Variants in THSD4 observed in about 807,000 individuals in gnomAD.
The protein encoded by THSD4 is thrombospondin type 1 domain containing 4.
A neutral mutation model predicts 119.0 loss-of-function variants in THSD4; 69 were observed. The observed-to-expected ratio is 0.58, with a 90% CI of 0.48 to 0.71. The LOEUF is 0.71. Ranked by LOEUF, THSD4 falls within the 30% of genes least tolerant of loss-of-function variation. The probability of loss-of-function intolerance (pLI) is 0.00; values close to 1 mark genes in which losing one functional copy is unlikely to be tolerated. For synonymous variants in THSD4, 524 were observed against 540.4 expected (o/e 0.97, Z 0.42); for missense variants, 1,393 against 1,391.1 (o/e 1.00, Z -0.02).
intron 3 of THSD4, chr15:71,183,241 G>C (rs2043553938): frequency 6.6e-6 from 1 of 151,734 alleles, no homozygotes; most frequent in African/African-American, 2.4e-5. Context: ...GATCTTGTGA[G>C]ACTTAATTCA....
At chr15:71,660,406 C>A in intron 7 of THSD4, 124 bp from the exon 8 acceptor site, 1 of 1,188,882 alleles carries the variant, frequency 8.4e-7, no homozygotes, top group Non-Finnish European at 1.2e-6. Context: ...TCCCACCCCA[C>A]TCCTAGAATA....
chr15:71,751,414 A>G (rs867098692), intron 14 of THSD4, among the ~76,000 whole-genome samples: 4 of 152,168 alleles, frequency 2.6e-5, no homozygotes, highest in Non-Finnish European at 5.9e-5. Flanking sequence ...TTTGAGATTA[A>G]GCTATACTTC....
intron 3 of THSD4, among the ~76,000 whole-genome samples, chr15:71,209,979 A>G (rs1481948377): frequency 6.6e-6 from 1 of 152,224 alleles, no homozygotes; most frequent in Admixed American, 6.5e-5. Context: ...GGAACTGTGA[A>G]TCCAGTAAAA....
intron 6 of THSD4, among the ~76,000 whole-genome samples, chr15:71,389,840 C>T (rs530434434): frequency 4.2e-4 from 18 of 42,996 alleles, no homozygotes; most frequent in South Asian, 1.1e-3. Context: ...CACAGAGTCT[C>T]GCTCTGTCAC....
intron 3 of THSD4, among the ~76,000 whole-genome samples, chr15:71,203,614 C>T (rs993381566): frequency 1.3e-5 from 2 of 152,178 alleles, no homozygotes; most frequent in Non-Finnish European, 1.5e-5. Flanking sequence ...TGCAGTGAGC[C>T]GAGATTGTGC....
In THSD4 at chr15:71,101,462, T is replaced by C. The variant is rs2040253213; in HGVS notation, c.-80+4456T>C. Among the ~76,000 whole-genome samples, 4 of 152,188 alleles carry C rather than the reference T, an allele frequency of 2.6e-5. No individual in the cohort carries two copies. The South Asian group carries it at 8.3e-4, about 32-fold the overall frequency. On this transcript the variant is annotated intron_variant, in intron 1 of 17. Transcript: ENST00000355327. ...GTTACAATTTGTGCTTTCACATATT[T>C]CAAAGAACTTAAAATCTATTATATT...
chr15:71,367,680 T>A (rs1009294582), intron 6 of THSD4, among the ~76,000 whole-genome samples: 1 of 152,224 alleles, frequency 6.6e-6, no homozygotes, highest in Non-Finnish European at 1.5e-5. Context: ...ATCCAGTCTA[T>A]CATTGATGGA....
At chr15:71,195,253 G>T (rs958246817) in intron 3 of THSD4, among the ~76,000 whole-genome samples, 1 of 152,184 alleles carries the variant, frequency 6.6e-6, no homozygotes, top group African/African-American at 2.4e-5. Context: ...AAAAGAGGAT[G>T]AAGTCAAAAT....
chr15:71,608,249 T>TATATATAC lies in THSD4; in HGVS notation c.1153-52280_1153-52279insTATATACA, dbSNP rs772729777. Among the ~76,000 whole-genome samples the TATATATAC allele has an allele frequency of 1.7e-3, 181 of 106,238 alleles. 2 individuals are homozygous for TATATATAC. The East Asian group carries it at 0.022, about 13-fold the overall frequency. The allele number at this position is 106,238 out of a possible 152,430, so 69.7% of individuals were successfully genotyped here. A position where few individuals can be genotyped will look rare whatever the true frequency, so the allele number is the denominator to read the frequency against. ...AAAAAAAAAAAAAAATATATATATA[T>TATATATAC]ACACACACACACACACACACACACA... On this transcript the variant is annotated intron_variant, in intron 7 of 17. Coordinates refer to ENST00000261862, the MANE Select transcript of THSD4 (RefSeq NM_024817.3).
At chr15:71,097,666 A>G (rs1205749026) in intron 1 of THSD4, among the ~76,000 whole-genome samples, 1 of 150,578 alleles carries the variant, frequency 6.6e-6, no homozygotes, top group African/African-American at 2.4e-5. Flanking sequence ...TATACGTTAT[A>G]TCTTATAATT....
chr15:71,505,117 G>A (rs1567012275), intron 7 of THSD4, among the ~76,000 whole-genome samples: 1 of 152,094 alleles, frequency 6.6e-6, no homozygotes, highest in Non-Finnish European at 1.5e-5. Context: ...GACAGTATTG[G>A]GATATTCATC....
intron 3 of THSD4, among the ~76,000 whole-genome samples, chr15:71,169,265 AAT>A (rs1033847868): frequency 1.6e-4 from 25 of 152,346 alleles, no homozygotes; most frequent in Admixed American, 1.4e-3. Flanking sequence ...GAATGGCTAA[AAT>A]AAAAAACACT....
chr15:71,709,044 A>G (rs569318821), intron 8 of THSD4, among the ~76,000 whole-genome samples: 37 of 152,324 alleles, frequency 2.4e-4, no homozygotes, highest in Non-Finnish European at 1.6e-4. Context: ...CGTGGTGTAC[A>G]GATCACAAAA....
intron 6 of THSD4, among the ~76,000 whole-genome samples, chr15:71,359,752 G>A (rs1470036329): frequency 6.6e-6 from 1 of 152,190 alleles, no homozygotes; most frequent in Non-Finnish European, 1.5e-5. Flanking sequence ...AGAGGTTGCA[G>A]TGAGCCAAGA....
chr15:71,667,674 C>T (rs892278476), intron 8 of THSD4, among the ~76,000 whole-genome samples: 5 of 152,138 alleles, frequency 3.3e-5, no homozygotes, highest in African/African-American at 9.7e-5. Context: ...GCTTTCTTTA[C>T]AGGAAACATT....
intron 7 of THSD4, among the ~76,000 whole-genome samples, chr15:71,470,093 T>TA (rs2047553564): frequency 6.6e-6 from 1 of 152,184 alleles, no homozygotes; most frequent in Admixed American, 6.5e-5. Flanking sequence ...AGGCAATAAG[T>TA]ATAAGAGGTT....
Position 71,459,160 on chromosome 15 carries a change from C to CTTTTTTTTTTTTTTTTTTT in THSD4, c.1152+47355_1152+47356insTTTTTTTTTTTTTTTTTTT, listed in dbSNP as rs372209662. Among the ~76,000 whole-genome samples, 16 of 128,882 alleles carry CTTTTTTTTTTTTTTTTTTT rather than the reference C, an allele frequency of 1.2e-4. 1 individual carries two copies. In the South Asian group the frequency reaches 1.9e-3, roughly 15 times the overall value. The allele number at this position is 128,882 out of a possible 152,430, so 84.6% of individuals were successfully genotyped here. A position where few individuals can be genotyped will look rare whatever the true frequency, so the allele number is the denominator to read the frequency against. On this transcript the variant is annotated intron_variant, in intron 7 of 17. Transcript: ENST00000261862. ...CTTTTCTTTTTCATTTTCTTTTTTT[C>CTTTTTTTTTTTTTTTTTTT]TTTTTTTTTTTTTTTTTTGACAGAG... is the stretch of plus-strand genomic sequence containing the variant.
intron 7 of THSD4, among the ~76,000 whole-genome samples, chr15:71,492,133 A>G (rs867526395): frequency 2.7e-5 from 4 of 150,546 alleles, no homozygotes; most frequent in African/African-American, 7.3e-5. Flanking sequence ...TATATTATGG[A>G]TGTTTTACAC....
In THSD4 at chr15:71,442,579, A is replaced by AAAAAAAAAT. The variant is rs1195413080; in HGVS notation, c.1152+30757_1152+30758insAAAAAAATA. On this transcript the variant is annotated intron_variant, in intron 7 of 17. Transcript: ENST00000261862. ...GCAAAACTCCATCTCAAAAAAAAAAAATATATATATATATATATATATGTG... is the reference window on the plus strand; with the variant it reads ...GCAAAACTCCATCTCAAAAAAAAAAAAAAAAAAATATATATATATATATATATATATGTG... Among the ~76,000 whole-genome samples the AAAAAAAAAT allele has an allele frequency of 3.4e-3, 135 of 39,844 alleles. 14 individuals are homozygous for AAAAAAAAAT. Among genetic ancestry groups the AAAAAAAAAT allele is most frequent in the Non-Finnish European group, 5.3e-3 (94 of 17,782 alleles). The allele number at this position is 39,844 out of a possible 152,430, so 26.1% of individuals were successfully genotyped here.
Sources: allele counts gnomAD v4.1 joint callset (sites outside exome capture counted in the v4.1 genomes callset), GRCh38; gene constraint gnomAD v4.1.1; transcripts MANE v1.5; gene names NCBI Gene and HGNC (gene_info 2026-07-23, HGNC 2026-07-21).